The following ATP2C1 variants were observed in gnomAD, a reference collection of about 807,000 sequenced individuals.
ATP2C1 encodes the protein ATPase secretory pathway Ca2+ transporting 1.
In ATP2C1, 31 loss-of-function variants were observed where a neutral mutation model predicts 120.5. The observed-to-expected ratio is 0.26, with a 90% CI of 0.19 to 0.35. The LOEUF (loss-of-function observed/expected upper bound fraction) is 0.35, where lower values mean the gene tolerates loss of function less well. Ranked by LOEUF, ATP2C1 falls within the 10% of genes least tolerant of loss-of-function variation. ATP2C1 has a pLI of 1.00. For synonymous variants in ATP2C1, 351 were observed against 358.7 expected (o/e 0.98, Z 0.24); for missense variants, 731 against 1,107.5 (o/e 0.66, Z 4.83).
chr3:130,997,469 A>C, intron 24 of ATP2C1, 137 bp from the exon 25 acceptor site: 1 of 777,128 alleles, frequency 1.3e-6, no homozygotes, highest in Non-Finnish European at 2.1e-6. Context: ...GTAATCAGCC[A>C]GCGTTTTATG....
intron 20 of ATP2C1, among the ~76,000 whole-genome samples, chr3:130,987,435 T>C (rs2062072926): frequency 1.3e-5 from 2 of 152,196 alleles, no homozygotes; most frequent in African/African-American, 4.8e-5. Context: ...GTTCAGGTGA[T>C]CCCTCATGAC....
At chr3:130,953,706 A>G (rs2060466409) in intron 8 of ATP2C1, 115 bp from the exon 9 acceptor site, 1 of 1,040,132 alleles carries the variant, frequency 9.6e-7, no homozygotes, top group South Asian at 1.3e-5. Flanking sequence ...TTGATACAAG[A>G]TGTGGCTAAT....
intron 5 of ATP2C1, 53 bp downstream of exon 5, chr3:130,934,764 A>G (rs1363011590): frequency 3.2e-6 from 4 of 1,235,164 alleles, no homozygotes; most frequent in Non-Finnish European, 4.7e-6. Context: ...ATAAATTGGG[A>G]TTGGTTTTTA....
chr3:131,006,638 TGTG>T (rs1217671968), downstream of ATP2C1, among the ~76,000 whole-genome samples: 7 of 2,240 alleles, frequency 3.1e-3, no homozygotes, highest in Non-Finnish European at 7.0e-3. Context: ...TGTGTGTTTG[TGTG>T]TGTGTGTGTG....
chr3:130,956,445 G>A (rs147754475), intron 11 of ATP2C1, among the ~76,000 whole-genome samples: 4 of 152,066 alleles, frequency 2.6e-5, no homozygotes, highest in Non-Finnish European at 5.9e-5. Context: ...ATAGTTTTAT[G>A]GACTGCTTTT....
intron 1 of ATP2C1, among the ~76,000 whole-genome samples, chr3:130,872,587 C>CT (rs565024538): frequency 1.0e-3 from 145 of 140,750 alleles, no homozygotes; most frequent in Middle Eastern, 3.8e-3. Context: ...CTTTTCTTTT[C>CT]TTTTTTTTTT....
exon 1 of ATP2C1, chr3:130,850,784 A>C (rs1328087467): frequency 9.9e-7 from 1 of 1,010,878 alleles, no homozygotes; most frequent in African/African-American, 1.7e-5. Flanking sequence ...GTTGCTGACA[A>C]GGAGGTGCAG....
intron 26 of ATP2C1, chr3:131,014,365 G>T (rs1248307045): frequency 1.2e-5 from 20 of 1,604,736 alleles, no homozygotes; most frequent in Non-Finnish European, 1.7e-5. Flanking sequence ...CATAGTCCGT[G>T]CACCAGGCTT....
chr3:130,972,042 A>G (rs2061338485), intron 17 of ATP2C1, among the ~76,000 whole-genome samples: 1 of 152,182 alleles, frequency 6.6e-6, no homozygotes, highest in South Asian at 2.1e-4. Flanking sequence ...GTTTCCTGGA[A>G]CTCTTCCACA....
chr3:130,868,352 T>G (rs1165064378), intron 1 of ATP2C1: 1 of 71,704 alleles, frequency 1.4e-5, no homozygotes, highest in African/African-American at 5.4e-5. Flanking sequence ...GCCCGGCCAG[T>G]CGCCCCGTCC....
intron 9 of ATP2C1, 128 bp downstream of exon 9, chr3:130,954,104 T>C: frequency 1.0e-6 from 1 of 976,482 alleles, no homozygotes; most frequent in Non-Finnish European, 1.6e-6. Flanking sequence ...CTTAACCCAT[T>C]ACATCTATTT....
chr3:130,871,542 A>G (rs554150830), intron 1 of ATP2C1, among the ~76,000 whole-genome samples: 5 of 152,238 alleles, frequency 3.3e-5, no homozygotes, highest in African/African-American at 9.6e-5. Flanking sequence ...TTGATGATGT[A>G]TATTTCCAAA....
intron 1 of ATP2C1, among the ~76,000 whole-genome samples, chr3:130,875,920 G>A (rs1232318255): frequency 6.7e-6 from 1 of 150,340 alleles, no homozygotes; most frequent in African/African-American, 2.4e-5. Flanking sequence ...CATTTGCTTT[G>A]AGAAGTGTCT....
intron 2 of ATP2C1, among the ~76,000 whole-genome samples, chr3:130,912,442 A>G (rs1447520708): frequency 2.6e-5 from 4 of 151,256 alleles, no homozygotes; most frequent in South Asian, 2.1e-4. Flanking sequence ...AGTGGGCGAA[A>G]GACATGAACA....
At chr3:130,997,787 GA>G in intron 25 of ATP2C1, 34 bp downstream of exon 25, 2 of 1,608,670 alleles carry the variant, frequency 1.2e-6, no homozygotes, top group Non-Finnish European at 1.7e-6. Context: ...ATATTAACAT[GA>G]ATTCTGTATA....
At chr3:130,867,434 C>T (rs1012861352) in intron 1 of ATP2C1, among the ~76,000 whole-genome samples, 10 of 145,322 alleles carry the variant, frequency 6.9e-5, no homozygotes, top group Admixed American at 6.9e-5. Flanking sequence ...CTCAGCCTGC[C>T]GAGTGCCGCC....
chr3:130,969,418 A>G (rs1482292124), intron 17 of ATP2C1, 22 bp downstream of exon 17: 2 of 1,573,162 alleles, frequency 1.3e-6, no homozygotes, highest in African/African-American at 1.3e-5. Context: ...TTTAAAGAAT[A>G]CTTATTTCCT....
intron 11 of ATP2C1, among the ~76,000 whole-genome samples, chr3:130,958,110 A>G (rs979812417): frequency 7.2e-5 from 11 of 152,178 alleles, no homozygotes; most frequent in Admixed American, 1.3e-4. Flanking sequence ...ACCATAAACC[A>G]TTTCAAATTT....
chr3:130,869,422 T>TAAAAAAAAA (rs2068342474), intron 1 of ATP2C1: 5 of 54,790 alleles, frequency 9.1e-5, no homozygotes, highest in African/African-American at 3.9e-4. Context: ...GAATGATCAA[T>TAAAAAAAAA]AAAAAATAAA....
Sources: gnomAD v4.1 joint callset for allele counts (sites outside exome capture counted in the v4.1 genomes callset) on GRCh38, gnomAD v4.1.1 for gene constraint, MANE v1.5 for transcripts, NCBI Gene and HGNC (gene_info 2026-07-23, HGNC 2026-07-21) for gene names.